RAB6B: variants seen among roughly 807,000 people sequenced by gnomAD.
RAB6B encodes the protein RAB6B, member RAS oncogene family.
Under a neutral mutation model 31.2 loss-of-function variants are expected in RAB6B, and 7 were observed. That is an observed-to-expected ratio of 0.22 (90% confidence interval 0.13 to 0.42). RAB6B has a LOEUF of 0.42. Among genes scored for constraint, RAB6B ranks in the 10% least tolerant of loss-of-function variants. The pLI, the probability that RAB6B is intolerant of heterozygous loss-of-function variation, is 1.00. For synonymous variants in RAB6B, 105 were observed against 104.9 expected, an observed-to-expected ratio of 1.00 and a Z score of -0.01; for missense variants, 149 against 280.6, an observed-to-expected ratio of 0.53 and a Z score of 3.35.
intron 1 of RAB6B, among the ~76,000 whole-genome samples, chr3:133,883,331 GCTC>G (rs1936494426): frequency 6.6e-6 from 1 of 152,216 alleles, no homozygotes. Context: ...CTGGGCTGGA[GCTC>G]CTCATCTTGT....
intron 1 of RAB6B, among the ~76,000 whole-genome samples, chr3:133,894,062 A>C (rs759876582): frequency 1.3e-5 from 2 of 152,260 alleles, no homozygotes; most frequent in Non-Finnish European, 2.9e-5. Flanking sequence ...GACAAGAGCC[A>C]GCCACGTGAC....
At chr3:133,867,330 G>A (rs754767247) in intron 1 of RAB6B, among the ~76,000 whole-genome samples, 34 of 152,310 alleles carry the variant, frequency 2.2e-4, no homozygotes, top group Non-Finnish European at 4.4e-4. Context: ...AGTAGGGGCT[G>A]AGTCAGGCAC....
intron 2 of RAB6B, among the ~76,000 whole-genome samples, chr3:133,845,271 C>A (rs534374960): frequency 1.4e-3 from 210 of 152,326 alleles, no homozygotes; most frequent in African/African-American, 4.9e-3. Context: ...AAGGCACATC[C>A]TTTGGGGAAA....
intron 2 of RAB6B, among the ~76,000 whole-genome samples, chr3:133,848,153 C>G (rs772230046): frequency 6.6e-6 from 1 of 152,228 alleles, no homozygotes; most frequent in Non-Finnish European, 1.5e-5. Flanking sequence ...TCCTCCAAAC[C>G]TGCTTCTGCT....
chr3:133,846,502 T>A (rs1368906224), intron 2 of RAB6B, among the ~76,000 whole-genome samples: 2 of 152,058 alleles, frequency 1.3e-5, no homozygotes, highest in Non-Finnish European at 2.9e-5. Flanking sequence ...TAGAAACAGA[T>A]GCAAGCAAAA....
In RAB6B at chr3:133,841,404, G is replaced by A. The variant is rs569237275; in HGVS notation, c.184-14C>T. On this transcript the variant is annotated splice_polypyrimidine_tract_variant and intron_variant, in intron 3 of 7. Coordinates refer to ENST00000285208, the MANE Select transcript of RAB6B (RefSeq NM_016577.4). Reference sequence around the variant, plus strand: ...CTGCAGTCGCACCTGTCTCAGGGAGGGCAGGACCATGGGCAGAGGGGTCAG... The same window carrying A: ...CTGCAGTCGCACCTGTCTCAGGGAGAGCAGGACCATGGGCAGAGGGGTCAG... 1 of 1,613,732 alleles carries A rather than the reference G, an allele frequency of 6.2e-7. No individual in the cohort carries two copies. Among genetic ancestry groups the A allele is most frequent in the African/African-American group, 1.3e-5 (1 of 75,020 alleles).
At chr3:133,855,044 G>A (rs987781017) in intron 2 of RAB6B, among the ~76,000 whole-genome samples, 1 of 152,254 alleles carries the variant, frequency 6.6e-6, no homozygotes, top group African/African-American at 2.4e-5. Context: ...GCCCAGGGCT[G>A]GGGAAGCATC....
Position 133,828,657 on chromosome 3 carries a change from C to T in RAB6B, c.*131G>A. ...GCCTCCCTCCCCATCCCACCCTACT[C>T]CTAAAGACAGAGAGAAAAGAAAAAT... is the stretch of plus-strand genomic sequence containing the variant. On this transcript the variant is annotated 3_prime_UTR_variant, in exon 8 of 8. Coordinates refer to ENST00000285208, the MANE Select transcript of RAB6B (RefSeq NM_016577.4). 7 of 554,768 alleles carry T rather than the reference C, an allele frequency of 1.3e-5. No individual in the cohort carries two copies. The highest frequency in any genetic ancestry group is 1.0e-4 in the South Asian group (7 of 70,204). The allele number at this position is 554,768 out of a possible 1,614,324, so 34.4% of individuals were successfully genotyped here. A position where few individuals can be genotyped will look rare whatever the true frequency, so the allele number is the denominator to read the frequency against.
intron 1 of RAB6B, among the ~76,000 whole-genome samples, chr3:133,888,126 C>G (rs1351496829): frequency 6.6e-6 from 1 of 152,202 alleles, no homozygotes; most frequent in Non-Finnish European, 1.5e-5. Flanking sequence ...CGCTCCAGTC[C>G]TAGGCCAGAA....
intron 1 of RAB6B, among the ~76,000 whole-genome samples, chr3:133,878,009 T>G (rs901703806): frequency 1.6e-4 from 24 of 151,478 alleles, no homozygotes; most frequent in African/African-American, 5.8e-4. Context: ...TGAAACACAG[T>G]GAAAAAAGAA....
chr3:133,842,796 C>T (rs1454545968), intron 2 of RAB6B, among the ~76,000 whole-genome samples: 1 of 152,232 alleles, frequency 6.6e-6, no homozygotes, highest in Non-Finnish European at 1.5e-5. Flanking sequence ...AGAGCATTTT[C>T]TTTCCTTCAT....
At chr3:133,840,685 G>T (rs1440419592) in intron 4 of RAB6B, among the ~76,000 whole-genome samples, 1 of 152,212 alleles carries the variant, frequency 6.6e-6, no homozygotes, top group Non-Finnish European at 1.5e-5. Flanking sequence ...GAGCCTTGCA[G>T]GTCTGGCCTC....
chr3:133,839,824 T>C (rs1256618276), intron 4 of RAB6B, among the ~76,000 whole-genome samples: 1 of 152,134 alleles, frequency 6.6e-6, no homozygotes, highest in Non-Finnish European at 1.5e-5. Flanking sequence ...GGGGAGCCAC[T>C]TGCACTGTTC....
chr3:133,851,630 T>C (rs1287725221), intron 2 of RAB6B, among the ~76,000 whole-genome samples: 2 of 152,024 alleles, frequency 1.3e-5, no homozygotes, highest in African/African-American at 4.8e-5. Context: ...GTGTGAAAGA[T>C]GTAGAGAGGC....
Position 133,895,625 on chromosome 3 carries a change from G to A in RAB6B, c.-159C>T. The stretch of plus-strand genomic sequence containing the variant: ...GACTCCCCAGCTGCGTCCCGGTCCC[G>A]GCCTGCGGCTGCGTGTCCGGCGGCG... On this transcript the variant is annotated 5_prime_UTR_variant, in exon 1 of 8. Coordinates refer to ENST00000285208, the MANE Select transcript of RAB6B (RefSeq NM_016577.4). 1 of 666,384 alleles carries A rather than the reference G, an allele frequency of 1.5e-6. No homozygotes were observed. The highest frequency in any genetic ancestry group is 2.5e-6 in the Non-Finnish European group (1 of 394,954). 41.3% of individuals were successfully genotyped at this position (666,384 alleles called of 1,614,324 possible).
At chr3:133,859,436 T>C (rs1459359345) in intron 2 of RAB6B, among the ~76,000 whole-genome samples, 1 of 151,996 alleles carries the variant, frequency 6.6e-6, no homozygotes, top group Admixed American at 6.6e-5. Flanking sequence ...TGGGGGTGGG[T>C]GTCAGGGTCC....
At chr3:133,853,471 C>T (rs774425262) in intron 2 of RAB6B, among the ~76,000 whole-genome samples, 10 of 151,052 alleles carry the variant, frequency 6.6e-5, no homozygotes, top group Non-Finnish European at 1.3e-4. Context: ...ATATGTCTGC[C>T]GGCAAATCTA....
intron 2 of RAB6B, among the ~76,000 whole-genome samples, chr3:133,853,342 TAGGG>T (rs1025902886): frequency 9.9e-5 from 15 of 151,816 alleles, no homozygotes; most frequent in East Asian, 3.9e-4. Flanking sequence ...AGTGTGGGGG[TAGGG>T]AGGGAGTCAT....
chr3:133,895,318 C>T (rs1936693223), intron 1 of RAB6B, 79 bp downstream of exon 1: 1 of 1,482,492 alleles, frequency 6.7e-7, no homozygotes. Context: ...GAGCCTGGGC[C>T]GGGGGTCCCA....
Sources: gnomAD v4.1 joint callset for allele counts (sites outside exome capture counted in the v4.1 genomes callset) on GRCh38, gnomAD v4.1.1 for gene constraint, MANE v1.5 for transcripts, NCBI Gene and HGNC (gene_info 2026-07-23, HGNC 2026-07-21) for gene names.